The following MDGA1 variants were observed in gnomAD, a reference collection of about 807,000 sequenced individuals.
MDGA1 encodes the protein MAM domain containing glycosylphosphatidylinositol anchor 1.
A neutral mutation model predicts 101.5 loss-of-function variants in MDGA1; 54 were observed. That is an observed-to-expected ratio of 0.53 (90% CI 0.43 to 0.67). MDGA1 has a LOEUF of 0.67. MDGA1 is among the 30% of genes least tolerant of loss of function. The pLI is 0.00. For synonymous variants in MDGA1, 533 were observed against 558.3 expected, an observed-to-expected ratio of 0.95 and a Z score of 0.64; for missense variants, 1,083 against 1,323.8, an observed-to-expected ratio of 0.82 and a Z score of 2.82.
At chr6:37,678,391 T>C (rs561612186) in intron 1 of MDGA1, among the ~76,000 whole-genome samples, 11 of 152,258 alleles carry the variant, frequency 7.2e-5, no homozygotes, top group African/African-American at 2.6e-4. Flanking sequence ...GCCTGGCTTG[T>C]GACAGCAGCC....
intron 14 of MDGA1, among the ~76,000 whole-genome samples, chr6:37,640,926 G>T (rs1434749264): frequency 6.6e-6 from 1 of 152,150 alleles, no homozygotes; most frequent in Non-Finnish European, 1.5e-5. Context: ...TGAAAGCCAG[G>T]GTGAGTACCT....
At chr6:37,647,592 C>T (rs148256773) in intron 9 of MDGA1, among the ~76,000 whole-genome samples, 1 of 147,240 alleles carries the variant, frequency 6.8e-6, no homozygotes, top group African/African-American at 2.5e-5. Flanking sequence ...AAAGGCAGGC[C>T]GAGAAAAAAA....
At position 37,649,313 on chromosome 6, in the gene MDGA1, G is replaced by A. The variant is rs967939970; in HGVS notation, c.1610-47C>T. On this transcript the variant is annotated intron_variant, in intron 8 of 16. Transcript: ENST00000434837. The stretch of plus-strand genomic sequence containing the variant: ...AGCGGGGCCTCTCCCCAGCGAGTGG[G>A]GCCTGAGGAGTGGCCCGTGGGGAGG... The A allele has an allele frequency of 1.0e-5, 15 of 1,432,606 alleles. No homozygotes were observed. The Admixed American group carries it at 1.8e-4, about 17-fold the overall frequency. The allele number at this position is 1,432,606 out of a possible 1,614,324, so 88.7% of individuals were successfully genotyped here. A position where few individuals can be genotyped will look rare whatever the true frequency, so the allele number is the denominator to read the frequency against.
In MDGA1 at chr6:37,649,258, C is replaced by T; in HGVS notation, c.1618G>A (p.Glu540Lys). 6.7e-7 allele frequency: 1 copy of T among 1,500,652 alleles called. No individual in the cohort carries two copies. Among genetic ancestry groups the T allele is most frequent in the Non-Finnish European group, 8.8e-7 (1 of 1,133,144 alleles). 93.0% of individuals were successfully genotyped at this position (1,500,652 alleles called of 1,614,324 possible). ...ACGTCCTGGGAACTGGGCTCCACCT[C>T]CGGCGGGACTGGGGGCGGGAGCGGC... is the stretch of plus-strand genomic sequence containing the variant. ...QVQLNVQFPPEVEPSSQDVRQ... is the reference protein window; with the variant it reads ...QVQLNVQFPPKVEPSSQDVRQ... The change falls in exon 9 of 17, where the codon GAG becomes AAG. Residue 540 changes from glutamate (E) to lysine (K), a missense_variant. By Grantham distance (56) the Glu-to-Lys change is moderately conservative. This residue lies in a region of MDGA1 where 657 missense variants were observed against 771.4 expected (regional missense o/e 0.85). Transcript: ENST00000434837.
chr6:37,644,802 C>G (rs1561841391), intron 12 of MDGA1, among the ~76,000 whole-genome samples, 153 bp from the exon 13 acceptor site: 1 of 152,236 alleles, frequency 6.6e-6, no homozygotes, highest in Non-Finnish European at 1.5e-5. Flanking sequence ...GGGCCCATAA[C>G]AAATTTCTTG....
At chr6:37,662,512 T>C (rs998022697) in intron 2 of MDGA1, among the ~76,000 whole-genome samples, 1 of 151,896 alleles carries the variant, frequency 6.6e-6, no homozygotes, top group African/African-American at 2.4e-5. Flanking sequence ...GACACACACC[T>C]GTGGTCTCAG....
In MDGA1 at chr6:37,633,563, C is replaced by G. The variant is rs1220800155; in HGVS notation, c.*3805G>C. ...GGAGGGGAAACAGGGTCTCTTCTGT[C>G]TGGGGGCCTGGGAGAAGGGCAGCAG... On this transcript the variant is annotated 3_prime_UTR_variant, in exon 17 of 17. Coordinates refer to ENST00000434837, the MANE Select transcript of MDGA1 (RefSeq NM_153487.4). 2.0e-5 allele frequency: 3 copies of G among 152,384 alleles called. No individual in the cohort carries two copies. Among genetic ancestry groups the G allele is most frequent in the Non-Finnish European group, 4.4e-5 (3 of 68,178 alleles). The allele number at this position is 152,384 out of a possible 1,614,324, so 9.4% of individuals were successfully genotyped here.
At chr6:37,641,911 T>C (rs982704951) in intron 14 of MDGA1, 1 of 152,330 alleles carries the variant, frequency 6.6e-6, no homozygotes. Context: ...TCCCACTCCA[T>C]TCTTGTTCAT....
chr6:37,666,191 C>CAAAAAAAA (rs146449734), intron 1 of MDGA1, among the ~76,000 whole-genome samples: 1 of 122,258 alleles, frequency 8.2e-6, no homozygotes, highest in African/African-American at 2.9e-5. Flanking sequence ...ACTAAAAATA[C>CAAAAAAAA]AAAAAAAAAA....
intron 14 of MDGA1, chr6:37,641,795 A>G (rs1053421982): frequency 4.6e-5 from 7 of 151,974 alleles, no homozygotes; most frequent in African/African-American, 1.7e-4. Flanking sequence ...CTGGTCATCC[A>G]CTCTCACCTA....
rs574979950 is a variant in MDGA1, at chr6:37,681,600, C to T, written c.67+15145G>A. 6.4e-4 allele frequency among the ~76,000 whole-genome samples: 98 copies of T among 152,372 alleles called. 2 individuals are homozygous for T. The South Asian group carries it at 0.012, about 18-fold the overall frequency. ...ACATCATCACCCATATACACACCTACAGCACACACATGCCAGTGTATATTA... is the reference window on the plus strand; with the variant it reads ...ACATCATCACCCATATACACACCTATAGCACACACATGCCAGTGTATATTA... On this transcript the variant is annotated intron_variant, in intron 1 of 16. Coordinates refer to ENST00000434837, the MANE Select transcript of MDGA1 (RefSeq NM_153487.4).
intron 10 of MDGA1, among the ~76,000 whole-genome samples, chr6:37,646,867 C>T (rs569190744): frequency 1.2e-4 from 19 of 152,218 alleles, no homozygotes; most frequent in Admixed American, 1.2e-3. Flanking sequence ...AGCTCTTGAC[C>T]CAAGAGTTGA....
intron 1 of MDGA1, among the ~76,000 whole-genome samples, chr6:37,675,005 C>T (rs922063660): frequency 1.2e-4 from 18 of 152,126 alleles, no homozygotes; most frequent in African/African-American, 4.3e-4. Context: ...TGCAGTGGGC[C>T]GAGATCGTGC....
chr6:37,655,829 C>T lies in MDGA1; in HGVS notation c.450G>A (p.Glu150=). The T allele has an allele frequency of 1.9e-6, 3 of 1,613,760 alleles. No individual in the cohort carries two copies. The highest frequency in any genetic ancestry group is 2.5e-6 in the Non-Finnish European group (3 of 1,179,810). Residue 150 remains glutamate, a synonymous_variant, in exon 4 of 17, where the codon GAG becomes GAA. Coordinates refer to ENST00000434837, the MANE Select transcript of MDGA1 (RefSeq NM_153487.4). The surrounding 1 kb of genome is among the most constrained non-coding windows in gnomAD (Gnocchi z 5.1). The part of the protein sequence containing the change: ...VSDVRGNFYQ[E]KTVFLRCTVN... ...CAGTACAGCGCAGGAACACCGTCTTCTCCTGGTAGAAGTTGCCTCGCACAT... is the reference window on the plus strand; with the variant it reads ...CAGTACAGCGCAGGAACACCGTCTTTTCCTGGTAGAAGTTGCCTCGCACAT...
At chr6:37,641,400 C>T (rs767612107) in intron 14 of MDGA1, among the ~76,000 whole-genome samples, 11 of 152,112 alleles carry the variant, frequency 7.2e-5, no homozygotes, top group Non-Finnish European at 1.3e-4. Context: ...GTTGTCTGGG[C>T]ACTCTTAGCC....
intron 1 of MDGA1, among the ~76,000 whole-genome samples, chr6:37,673,662 T>C (rs997857991): frequency 1.3e-5 from 2 of 151,994 alleles, no homozygotes; most frequent in Admixed American, 6.5e-5. Flanking sequence ...TCTGCAGAGC[T>C]GGCTGGAGCC....
intron 2 of MDGA1, among the ~76,000 whole-genome samples, chr6:37,659,960 A>G (rs1232812299): frequency 6.6e-6 from 1 of 152,050 alleles, no homozygotes; most frequent in Non-Finnish European, 1.5e-5. Context: ...ATACTGCTCA[A>G]GCCTTGGTAT....
chr6:37,676,414 C>CTAAA (rs1184209004), intron 1 of MDGA1, among the ~76,000 whole-genome samples: 2 of 152,240 alleles, frequency 1.3e-5, no homozygotes, highest in Non-Finnish European at 1.5e-5. Context: ...GCCCACAGAG[C>CTAAA]TAAACCCCAA....
At chr6:37,685,176 C>T (rs941426767) in intron 1 of MDGA1, among the ~76,000 whole-genome samples, 2 of 152,106 alleles carry the variant, frequency 1.3e-5, no homozygotes, top group African/African-American at 4.8e-5. Context: ...GTGGCACATG[C>T]CTGTAATCCC....
Sources: allele counts gnomAD v4.1 joint callset (sites outside exome capture counted in the v4.1 genomes callset), GRCh38; gene constraint gnomAD v4.1.1; regional missense constraint gnomAD v4.1.1; non-coding constraint Gnocchi (gnomAD v3.1); transcripts MANE v1.5; gene names NCBI Gene and HGNC (gene_info 2026-07-23, HGNC 2026-07-21).